Variants in DOCK7 observed in about 807,000 individuals in gnomAD.
DOCK7 encodes dedicator of cytokinesis protein 7.
In DOCK7, 138 loss-of-function variants were observed where a neutral mutation model predicts 271.0. That is an observed-to-expected ratio of 0.51 (90% confidence interval 0.44 to 0.59). The LOEUF (loss-of-function observed/expected upper bound fraction) is 0.59, where lower values mean the gene tolerates loss of function less well. DOCK7 is among the 20% of genes least tolerant of loss of function. The probability of loss-of-function intolerance (pLI) is 0.00; values close to 1 mark genes in which losing one functional copy is unlikely to be tolerated. For synonymous variants in DOCK7, 823 were observed against 876.1 expected, an observed-to-expected ratio of 0.94 and a Z score of 1.07; for missense variants, 2,066 against 2,592.4, an observed-to-expected ratio of 0.80 and a Z score of 4.41.
At chr1:62,593,215 G>A (rs1300758589) in intron 14 of DOCK7, among the ~76,000 whole-genome samples, 1 of 152,044 alleles carries the variant, frequency 6.6e-6, no homozygotes, top group Non-Finnish European at 1.5e-5. Context: ...TAATAGAGTC[G>A]AGATTTTTAT....
chr1:62,616,789 A>T (rs1652491888), intron 14 of DOCK7, among the ~76,000 whole-genome samples: 1 of 151,800 alleles, frequency 6.6e-6, no homozygotes, highest in Non-Finnish European at 1.5e-5. Flanking sequence ...TGATAAAGAA[A>T]ATAATTCAAA....
At chr1:62,681,151 A>T (rs1168855390) in intron 1 of DOCK7, among the ~76,000 whole-genome samples, 3 of 151,956 alleles carry the variant, frequency 2.0e-5, no homozygotes, top group African/African-American at 7.3e-5. Context: ...TCCATCAATG[A>T]TAGACTGGAT....
At chr1:62,509,563 T>TA (rs1644421155) in intron 34 of DOCK7, among the ~76,000 whole-genome samples, 1 of 152,038 alleles carries the variant, frequency 6.6e-6, no homozygotes, top group Non-Finnish European at 1.5e-5. Flanking sequence ...CTGTGATTTC[T>TA]AAAAAATAAC....
intron 11 of DOCK7, 77 bp downstream of exon 11, chr1:62,631,163 C>T (rs1654582516): frequency 2.2e-6 from 3 of 1,351,198 alleles, no homozygotes; most frequent in South Asian, 1.5e-5. Flanking sequence ...CCAGCCTAGG[C>T]CATAGAGCGA....
chr1:62,491,241 G>T (rs1646456349), intron 41 of DOCK7, among the ~76,000 whole-genome samples: 1 of 152,152 alleles, frequency 6.6e-6, no homozygotes, highest in Admixed American at 6.5e-5. Flanking sequence ...GATAAGGCCT[G>T]GTGAAGAACG....
At chr1:62,544,494 A>T (rs1333727741) in intron 23 of DOCK7, among the ~76,000 whole-genome samples, 1 of 152,214 alleles carries the variant, frequency 6.6e-6, no homozygotes, top group Admixed American at 6.6e-5. Context: ...ACTTATTGCC[A>T]GTCTTTCTAT....
rs1648413150 is a variant in DOCK7, at chr1:62,591,327, AAC to A, written c.1683-4705_1683-4704del. Among the ~76,000 whole-genome samples, 2 of 152,112 alleles carry A rather than the reference AAC, an allele frequency of 1.3e-5. 1 individual carries two copies. Among genetic ancestry groups the A allele is most frequent in the Non-Finnish European group, 2.9e-5 (2 of 68,014 alleles). ...AACTTATGAACACAAAGAAGGAAAA[AAC>A]AGACACAGGGGTCTACCTGAGAAGG... On this transcript the variant is annotated intron_variant, in intron 14 of 49. Transcript: ENST00000635253.
At position 62,570,992 on chromosome 1, in the gene DOCK7, C is replaced by T. The variant is rs548876116; in HGVS notation, c.2112+6270G>A. ...GGCAACACCATTCAGGACACAGGCA[C>T]AAGCAAAGATTTCATGACAAAAACA... On this transcript the variant is annotated intron_variant, in intron 18 of 49. Transcript: ENST00000635253. Among the ~76,000 whole-genome samples, 7 of 152,168 alleles carry T rather than the reference C, an allele frequency of 4.6e-5. No individual in the cohort carries two copies. The East Asian group carries it at 1.4e-3, about 29-fold the overall frequency.
chr1:62,458,002 A>C, intron 48 of DOCK7: 2 of 249,016 alleles, frequency 8.0e-6, no homozygotes, highest in East Asian at 8.4e-5. Context: ...AAATGCAAAA[A>C]TTAGCCAGGC....
chr1:62,608,838 C>G (rs1651374479), intron 14 of DOCK7: 1 of 142,002 alleles, frequency 7.0e-6, no homozygotes, highest in Non-Finnish European at 1.6e-5. Context: ...AATAGCATAA[C>G]TCATGGAAGT....
chr1:62,594,278 A>G (rs892517169), intron 14 of DOCK7, among the ~76,000 whole-genome samples: 2 of 152,110 alleles, frequency 1.3e-5, no homozygotes, highest in Non-Finnish European at 2.9e-5. Context: ...TACTACTTTC[A>G]ATGCATTTTC....
chr1:62,534,043 G>A (rs1645261616), intron 29 of DOCK7, among the ~76,000 whole-genome samples: 1 of 151,698 alleles, frequency 6.6e-6, no homozygotes, highest in Non-Finnish European at 1.5e-5. Context: ...CTATCACCCA[G>A]GATGGAGTGC....
At chr1:62,555,778 A>G (rs1479786055) in intron 21 of DOCK7, 47 bp downstream of exon 21, 2 of 1,572,986 alleles carry the variant, frequency 1.3e-6, no homozygotes, top group Non-Finnish European at 1.7e-6. Context: ...ACTGACATGA[A>G]CATATAATTT....
chr1:62,584,257 C>T, intron 15 of DOCK7: 1 of 974,454 alleles, frequency 1.0e-6, no homozygotes, highest in Admixed American at 6.1e-5. Flanking sequence ...ATAATTATGA[C>T]TTTCCTAAGA....
chr1:62,465,383 T>C (rs186146815), intron 48 of DOCK7, among the ~76,000 whole-genome samples: 2 of 152,180 alleles, frequency 1.3e-5, no homozygotes, highest in East Asian at 3.9e-4. Flanking sequence ...AAAGTTACAT[T>C]ACAGGAAACA....
rs1215731879 is a variant in DOCK7, at chr1:62,675,040, T to C, written c.39-11910A>G. 2.0e-5 allele frequency among the ~76,000 whole-genome samples: 3 copies of C among 152,134 alleles called. No individual in the cohort carries two copies. The East Asian group carries it at 5.8e-4, about 29-fold the overall frequency. On this transcript the variant is annotated intron_variant, in intron 1 of 49. Transcript: ENST00000635253. ...AAACAAGGAGACAATAGTTGTAAAT[T>C]ATATATCTAAAGAAGGACTTTTACT...
At chr1:62,556,601 A>G (rs1466874973) in intron 20 of DOCK7, among the ~76,000 whole-genome samples, 1 of 152,012 alleles carries the variant, frequency 6.6e-6, no homozygotes, top group Non-Finnish European at 1.5e-5. Context: ...AGCAATACCT[A>G]CTCGGTCACT....
intron 18 of DOCK7, among the ~76,000 whole-genome samples, chr1:62,563,199 G>C (rs1298670983): frequency 6.6e-6 from 1 of 152,084 alleles, no homozygotes; most frequent in Non-Finnish European, 1.5e-5. Context: ...ATCCACCCTA[G>C]AAAGTAAAAG....
At position 62,659,262 on chromosome 1, in the gene DOCK7, T is replaced by C. The variant is rs185381366; in HGVS notation, c.144+3763A>G. ...TAGAAAAATGTTTAAGACAATTATA[T>C]ACAGGAGAGGGTAAAGGGATGTAAA... is the stretch of plus-strand genomic sequence containing the variant. On this transcript the variant is annotated intron_variant, in intron 2 of 49. Coordinates refer to ENST00000635253, the MANE Select transcript of DOCK7 (RefSeq NM_001367561.1). 3.9e-3 allele frequency among the ~76,000 whole-genome samples: 591 copies of C among 152,298 alleles called. 7 individuals carry two copies. The highest frequency in any genetic ancestry group is 0.013 in the African/African-American group (539 of 41,570).
Sources: gnomAD v4.1 joint callset for allele counts (sites outside exome capture counted in the v4.1 genomes callset) on GRCh38, gnomAD v4.1.1 for gene constraint, MANE v1.5 for transcripts, NCBI Gene and HGNC (gene_info 2026-07-23, HGNC 2026-07-21) for gene names.